The following PRLR variants were observed in gnomAD, a reference collection of about 807,000 sequenced individuals.
PRLR encodes the protein prolactin receptor.
Under a neutral mutation model 40.2 loss-of-function variants are expected in PRLR, and 13 were observed. The observed-to-expected ratio is 0.32, with a 90% confidence interval of 0.21 to 0.51. The LOEUF is 0.51. Among genes scored for constraint, PRLR ranks in the 20% least tolerant of loss-of-function variants. The pLI, the probability that PRLR is intolerant of heterozygous loss-of-function variation, is 0.97. For missense variants in PRLR, 656 were observed against 747.3 expected (o/e 0.88, Z 1.42); for synonymous variants, 269 against 278.7 (o/e 0.97, Z 0.35).
intron 4 of PRLR, 59 bp from the exon 5 acceptor site, chr5:35,084,698 T>A (rs1416169364): frequency 6.6e-7 from 1 of 1,518,758 alleles, no homozygotes; most frequent in East Asian, 2.4e-5. Flanking sequence ...TCTAGTTTTT[T>A]TCTTCATAGA....
Position 35,063,565 on chromosome 5 carries a change from G to C in PRLR, c.*1524C>G, listed in dbSNP as rs1415780718. On this transcript the variant is annotated 3_prime_UTR_variant, in exon 10 of 10. Coordinates refer to ENST00000618457, the MANE Select transcript of PRLR (RefSeq NM_000949.7). ...TCTGACCTTTGGAGCTATTCCCATT[G>C]CTCTGGGAAGCAAATACCTAGTTTC... 6.6e-6 allele frequency: 1 copy of C among 152,134 alleles called. No homozygotes were observed. 9.4% of individuals were successfully genotyped at this position (152,134 alleles called of 1,614,324 possible). A position where few individuals can be genotyped will look rare whatever the true frequency, so the allele number is the denominator to read the frequency against.
At chr5:35,217,429 C>T (rs890422770) in intron 1 of PRLR, among the ~76,000 whole-genome samples, 29 of 152,144 alleles carry the variant, frequency 1.9e-4, no homozygotes, top group Admixed American at 1.6e-3. Context: ...GAAAATACTG[C>T]TGTTCATCCC....
At position 35,200,127 on chromosome 5, in the gene PRLR, C is replaced by T. The variant is rs116397434; in HGVS notation, c.-106+30141G>A. Among the ~76,000 whole-genome samples the T allele has an allele frequency of 6.3e-3, 959 of 152,268 alleles. 10 individuals carry two copies. Among genetic ancestry groups the T allele is most frequent in the African/African-American group, 0.022 (917 of 41,550 alleles). On this transcript the variant is annotated intron_variant, in intron 1 of 9. Transcript: ENST00000618457. ...AGAGCATGTTCTTTCTGGCATGTCT[C>T]GCAGAGCCTCATTTCTTCCTTTGTA...
At chr5:35,117,603 G>A (rs1393036591) in intron 2 of PRLR, among the ~76,000 whole-genome samples, 1 of 152,206 alleles carries the variant, frequency 6.6e-6, no homozygotes, top group Non-Finnish European at 1.5e-5. Context: ...CCTGCCATGA[G>A]GGCTGGGAGG....
intron 2 of PRLR, among the ~76,000 whole-genome samples, chr5:35,116,855 A>G (rs1773053410): frequency 6.6e-6 from 1 of 152,194 alleles, no homozygotes; most frequent in African/African-American, 2.4e-5. Context: ...GATTTCCATG[A>G]AAAACAAAAG....
intron 1 of PRLR, among the ~76,000 whole-genome samples, chr5:35,194,772 G>T (rs1775691485): frequency 6.6e-6 from 1 of 152,184 alleles, no homozygotes; most frequent in Admixed American, 6.5e-5. Flanking sequence ...TTGCAGGAAG[G>T]AAGGGAGGGT....
chr5:35,177,354 C>T (rs1775178425), intron 1 of PRLR, among the ~76,000 whole-genome samples: 1 of 152,124 alleles, frequency 6.6e-6, no homozygotes, highest in African/African-American at 2.4e-5. Context: ...CACCCCTACA[C>T]AGTTCAGTGG....
At chr5:35,118,371 T>G (rs1773147938) in intron 1 of PRLR, among the ~76,000 whole-genome samples, 1 of 152,128 alleles carries the variant, frequency 6.6e-6, no homozygotes, top group Non-Finnish European at 1.5e-5. Flanking sequence ...ACCTCAATTG[T>G]TACTATTTTA....
chr5:35,070,010 C>A, intron 7 of PRLR, 114 bp downstream of exon 7: 1 of 1,217,396 alleles, frequency 8.2e-7, no homozygotes, highest in Non-Finnish European at 1.1e-6. Context: ...ATAAACCCAC[C>A]TCTATTGTTC....
intron 2 of PRLR, among the ~76,000 whole-genome samples, chr5:35,106,722 AAAGC>A (rs1198976603): frequency 3.9e-5 from 6 of 152,212 alleles, no homozygotes. Flanking sequence ...CCAGATTCAT[AAAGC>A]AAGTCCTTAG....
intron 2 of PRLR, among the ~76,000 whole-genome samples, chr5:35,100,083 C>T (rs1046247446): frequency 1.3e-5 from 2 of 149,522 alleles, no homozygotes; most frequent in African/African-American, 4.9e-5. Flanking sequence ...GAGGCTGGGG[C>T]AGGAGAATCA....
chr5:35,086,561 G>A (rs1047129462), intron 3 of PRLR, among the ~76,000 whole-genome samples: 3 of 118,428 alleles, frequency 2.5e-5, no homozygotes, highest in Admixed American at 2.5e-4. Flanking sequence ...CATTTTGCTG[G>A]TGTGTGTGTG....
At chr5:35,107,456 T>C (rs13182158) in intron 2 of PRLR, among the ~76,000 whole-genome samples, 8,146 of 151,060 alleles carry the variant, frequency 0.054, 514 homozygotes, top group East Asian at 0.18. Context: ...TCTGAAAAGA[T>C]CAACAAAATT....
intron 2 of PRLR, among the ~76,000 whole-genome samples, chr5:35,111,113 A>T (rs1283088900): frequency 1.3e-5 from 2 of 152,188 alleles, no homozygotes; most frequent in Non-Finnish European, 2.9e-5. Flanking sequence ...TGAATAAATG[A>T]AATATATGTG....
At chr5:35,124,468 T>C (rs1405800697) in intron 1 of PRLR, among the ~76,000 whole-genome samples, 1 of 152,202 alleles carries the variant, frequency 6.6e-6, no homozygotes, top group East Asian at 1.9e-4. Context: ...TCCGAAATGC[T>C]ATGACTGTAG....
chr5:35,204,538 C>T (rs75262429), intron 1 of PRLR, among the ~76,000 whole-genome samples: 4,390 of 152,240 alleles, frequency 0.029, 84 homozygotes, highest in Middle Eastern at 0.071. Context: ...CCTACCTTAC[C>T]AATCCTATTA....
chr5:35,168,106 C>T (rs1472934959), intron 1 of PRLR, among the ~76,000 whole-genome samples: 1 of 151,854 alleles, frequency 6.6e-6, no homozygotes, highest in African/African-American at 2.4e-5. Context: ...GCAAGAAATA[C>T]TATTAAATAT....
intron 1 of PRLR, among the ~76,000 whole-genome samples, chr5:35,141,834 T>G (rs2962084): frequency 0.15 from 22,695 of 152,064 alleles, 3,334 homozygotes; most frequent in African/African-American, 0.38. Flanking sequence ...TTGGATGCCA[T>G]GCCCCTGGAC....
chr5:35,101,888 C>T (rs753492231), intron 2 of PRLR, among the ~76,000 whole-genome samples: 36 of 150,722 alleles, frequency 2.4e-4, no homozygotes, highest in Non-Finnish European at 4.0e-4. Context: ...AGTACAGTGG[C>T]GCAATCTCGG....
Sources: gnomAD v4.1 joint callset for allele counts (sites outside exome capture counted in the v4.1 genomes callset) on GRCh38, gnomAD v4.1.1 for gene constraint, MANE v1.5 for transcripts, NCBI Gene and HGNC (gene_info 2026-07-23, HGNC 2026-07-21) for gene names.